The following COA1 variants were observed in gnomAD, a reference collection of about 807,000 sequenced individuals.
COA1 encodes the protein cytochrome c oxidase assembly factor 1 homolog.
A neutral mutation model predicts 16.0 loss-of-function variants in COA1; 13 were observed. The observed-to-expected ratio is 0.81, with a 90% confidence interval of 0.53 to 1.29. The LOEUF (loss-of-function observed/expected upper bound fraction) is 1.29, where lower values mean the gene tolerates loss of function less well. COA1 is among the 50% of genes most tolerant of loss of function. The probability of loss-of-function intolerance (pLI) is 0.00; values close to 1 mark genes in which losing one functional copy is unlikely to be tolerated. For synonymous variants in COA1, 65 were observed against 65.7 expected (o/e 0.99, Z 0.05); for missense variants, 179 against 177.0 (o/e 1.01, Z -0.06).
chr7:43,630,354 A>G (rs898499822), intron 6 of COA1, among the ~76,000 whole-genome samples: 1 of 152,128 alleles, frequency 6.6e-6, no homozygotes, highest in Non-Finnish European at 1.5e-5. Flanking sequence ...AAATAAAACT[A>G]TTTTTCCTAA....
At chr7:43,624,507 T>C (rs1245894442) in intron 6 of COA1, 1 of 1,594,120 alleles carries the variant, frequency 6.3e-7, no homozygotes, top group African/African-American at 1.4e-5. Flanking sequence ...GTAAAACATG[T>C]ATCTTTACAG....
chr7:43,654,199 C>G (rs750814630), intron 1 of COA1, among the ~76,000 whole-genome samples: 1 of 152,176 alleles, frequency 6.6e-6, no homozygotes. Context: ...AGGAAACAGG[C>G]TGGCCAGCCC....
intron 1 of COA1, among the ~76,000 whole-genome samples, chr7:43,729,011 G>A (rs2095682037): frequency 6.6e-6 from 1 of 152,212 alleles, no homozygotes; most frequent in African/African-American, 2.4e-5. Flanking sequence ...GGGACAAAAA[G>A]TATTATAACC....
Position 43,666,040 on chromosome 7 carries a change from T to C in COA1, c.-38-17388A>G, listed in dbSNP as rs376963553. ...GAGATCTTCAGTCTACTGATTCAAA[T>C]GCTAATCTCTTCTGAAAATACCCTC... On this transcript the variant is annotated intron_variant, in intron 1 of 5. Coordinates refer to ENST00000223336, the MANE Select transcript of COA1 (RefSeq NM_018224.4). 9.3e-4 allele frequency among the ~76,000 whole-genome samples: 141 copies of C among 152,336 alleles called. 2 individuals are homozygous for C. The Middle Eastern group carries it at 0.014, about 15-fold the overall frequency.
intron 1 of COA1, among the ~76,000 whole-genome samples, chr7:43,664,869 A>G (rs1417741131): frequency 6.6e-6 from 1 of 152,226 alleles, no homozygotes; most frequent in African/African-American, 2.4e-5. Context: ...GTCAGTTTAA[A>G]TCAACTGACA....
At chr7:43,699,578 G>A (rs1264921352) in intron 1 of COA1, among the ~76,000 whole-genome samples, 2 of 152,138 alleles carry the variant, frequency 1.3e-5, no homozygotes, top group South Asian at 2.1e-4. Context: ...AAACTGTCAC[G>A]CAGACATGAG....
chr7:43,653,773 G>A lies in COA1; in HGVS notation c.-38-5121C>T, dbSNP rs191012289. 3.5e-4 allele frequency among the ~76,000 whole-genome samples: 54 copies of A among 152,166 alleles called. 1 individual carries two copies. The highest frequency in any genetic ancestry group is 8.3e-4 in the South Asian group (4 of 4,814). ...ACTTTTGCACCAACCTAATATCAGA[G>A]ATGTCTGCTACTCATCCCATGAAGA... On this transcript the variant is annotated intron_variant, in intron 1 of 5. Transcript: ENST00000223336.
At chr7:43,677,904 T>C (rs1280471788) in intron 1 of COA1, among the ~76,000 whole-genome samples, 1 of 152,136 alleles carries the variant, frequency 6.6e-6, no homozygotes, top group African/African-American at 2.4e-5. Flanking sequence ...CTACTGAATT[T>C]AGTTATACAA....
Position 43,656,565 on chromosome 7 carries a change from G to A in COA1, c.-38-7913C>T, listed in dbSNP as rs561923142. Among the ~76,000 whole-genome samples, 11 of 152,218 alleles carry A rather than the reference G, an allele frequency of 7.2e-5. No individual in the cohort carries two copies. The East Asian group carries it at 2.1e-3, about 29-fold the overall frequency. On this transcript the variant is annotated intron_variant, in intron 1 of 5. Transcript: ENST00000223336. Reference sequence around the variant, plus strand: ...ATAAAAATTGGCTGGGCATGGTGGCGCAGCCCTAATCCCAGCTACTCGGGA... The same window carrying A: ...ATAAAAATTGGCTGGGCATGGTGGCACAGCCCTAATCCCAGCTACTCGGGA...
chr7:43,663,880 G>A (rs1443804566), intron 1 of COA1, among the ~76,000 whole-genome samples: 2 of 151,962 alleles, frequency 1.3e-5, no homozygotes, highest in East Asian at 1.9e-4. Context: ...GGCGGCCAAG[G>A]CAGGCAGATG....
At chr7:43,706,553 TAA>T (rs2094984041) in intron 1 of COA1, among the ~76,000 whole-genome samples, 2 of 138,594 alleles carry the variant, frequency 1.4e-5, no homozygotes, top group Non-Finnish European at 3.1e-5. Flanking sequence ...TCTTAAAAAA[TAA>T]AAAATAAAAA....
intron 1 of COA1, chr7:43,650,331 T>C (rs550780438): frequency 6.6e-6 from 1 of 152,322 alleles, no homozygotes; most frequent in South Asian, 2.1e-4. Context: ...GTCTTATTTA[T>C]TTACTTATTT....
At chr7:43,692,632 T>G (rs528657459) in intron 1 of COA1, among the ~76,000 whole-genome samples, 19 of 152,220 alleles carry the variant, frequency 1.2e-4, no homozygotes, top group African/African-American at 3.9e-4. Context: ...TCTCATTTCA[T>G]GATGTACAGA....
At chr7:43,628,024 T>C in intron 6 of COA1, among the ~76,000 whole-genome samples, 1 of 152,236 alleles carries the variant, frequency 6.6e-6, no homozygotes, top group Non-Finnish European at 1.5e-5. Flanking sequence ...TTTGCTCTTG[T>C]TGCCCAGGCT....
chr7:43,623,884 C>A (rs1297061625), intron 6 of COA1: 1 of 1,523,166 alleles, frequency 6.6e-7, no homozygotes, highest in African/African-American at 1.4e-5. Flanking sequence ...AGTTAAGAAA[C>A]CTGAGTAAGT....
At chr7:43,705,584 C>T (rs1223150936) in intron 1 of COA1, among the ~76,000 whole-genome samples, 4 of 152,192 alleles carry the variant, frequency 2.6e-5, no homozygotes, top group Admixed American at 6.5e-5. Flanking sequence ...CACAAGCAAG[C>T]CAGCCCTCTA....
intron 1 of COA1, among the ~76,000 whole-genome samples, chr7:43,683,871 AAC>A (rs1254018240): frequency 3.3e-5 from 5 of 152,214 alleles, no homozygotes; most frequent in Admixed American, 1.3e-4. Context: ...AACTTGAAAA[AAC>A]AGTTTTATCA....
At chr7:43,670,898 T>C (rs1453552661) in intron 1 of COA1, among the ~76,000 whole-genome samples, 1 of 152,220 alleles carries the variant, frequency 6.6e-6, no homozygotes, top group Non-Finnish European at 1.5e-5. Context: ...ATTTCTCCAA[T>C]AAATTATCAG....
At chr7:43,718,502 T>C (rs886211944) in intron 1 of COA1, among the ~76,000 whole-genome samples, 1 of 152,214 alleles carries the variant, frequency 6.6e-6, no homozygotes, top group Non-Finnish European at 1.5e-5. Flanking sequence ...ACCAGTAACT[T>C]TCCTCAGGGT....
Sources: gnomAD v4.1 joint callset for allele counts (sites outside exome capture counted in the v4.1 genomes callset) on GRCh38, gnomAD v4.1.1 for gene constraint, MANE v1.5 for transcripts, NCBI Gene and HGNC (gene_info 2026-07-23, HGNC 2026-07-21) for gene names.